Variants in IL1RAPL1 observed in about 807,000 individuals in gnomAD.
The protein encoded by IL1RAPL1 is interleukin 1 receptor accessory protein like 1.
IL1RAPL1 carries 3 observed loss-of-function variants against 48.4 expected under a neutral mutation model. The observed-to-expected ratio is 0.06, with a 90% confidence interval of 0.03 to 0.16. The LOEUF (loss-of-function observed/expected upper bound fraction) is 0.16, where lower values mean the gene tolerates loss of function less well. Ranked by LOEUF, IL1RAPL1 falls within the 10% of genes least tolerant of loss-of-function variation. The pLI is 1.00. For synonymous variants in IL1RAPL1, 185 were observed against 187.7 expected, an observed-to-expected ratio of 0.99 and a Z score of 0.12; for missense variants, 349 against 530.6, an observed-to-expected ratio of 0.66 and a Z score of 3.36.
chrX:29,670,493 C>T (rs1433732634), intron 6 of IL1RAPL1, among the ~76,000 whole-genome samples: 1 of 111,661 alleles, frequency 9.0e-6, no homozygotes, highest in Non-Finnish European at 1.9e-5. Flanking sequence ...TCATAGTGTA[C>T]AGATAAGTCG....
rs767866840 is a variant in IL1RAPL1 at position 29,875,120 on chromosome X, T to C, written c.779-42344T>C. 2.0e-3 allele frequency among the ~76,000 whole-genome samples: 229 copies of C among 112,115 alleles called. 1 individual carries two copies. Among genetic ancestry groups the C allele is most frequent in the Non-Finnish European group, 3.5e-3 (185 of 53,201 alleles). On this transcript the variant is annotated intron_variant, in intron 6 of 10. Transcript: ENST00000378993. ...TTATCTTTGATCAAATTATTGTTTATATGATGTAAATGCCTTGGACACTAC... is the reference window on the plus strand; with the variant it reads ...TTATCTTTGATCAAATTATTGTTTACATGATGTAAATGCCTTGGACACTAC...
At chrX:28,784,083 G>A (rs1936450265) in intron 1 of IL1RAPL1, among the ~76,000 whole-genome samples, 1 of 111,847 alleles carries the variant, frequency 8.9e-6, no homozygotes, top group Admixed American at 9.5e-5. Flanking sequence ...AGTAGCCAAA[G>A]CTTATGATTT....
intron 2 of IL1RAPL1, among the ~76,000 whole-genome samples, chrX:28,969,679 C>T (rs1044635524): frequency 1.8e-5 from 2 of 108,752 alleles, no homozygotes; most frequent in East Asian, 2.9e-4. Flanking sequence ...TAATGTCCAC[C>T]GTTTTTCTCC....
chrX:29,044,889 C>G (rs1409525431), intron 2 of IL1RAPL1, among the ~76,000 whole-genome samples: 7 of 109,657 alleles, frequency 6.4e-5, no homozygotes, highest in African/African-American at 2.4e-4. Flanking sequence ...TATTATTTTT[C>G]TCATGAATGA....
intron 2 of IL1RAPL1, among the ~76,000 whole-genome samples, chrX:29,148,294 A>T (rs1929390120): frequency 9.0e-6 from 1 of 111,653 alleles, no homozygotes; most frequent in Admixed American, 9.5e-5. Flanking sequence ...TGAGTTTATA[A>T]ATCACTGATT....
intron 6 of IL1RAPL1, among the ~76,000 whole-genome samples, chrX:29,781,790 C>A (rs1336092144): frequency 9.0e-6 from 1 of 111,498 alleles, no homozygotes; most frequent in Admixed American, 9.5e-5. Flanking sequence ...CATTTGGAGA[C>A]CTCCCATAAG....
chrX:29,847,931 G>A (rs1404966956), intron 6 of IL1RAPL1, among the ~76,000 whole-genome samples: 4 of 110,830 alleles, frequency 3.6e-5, no homozygotes, highest in Non-Finnish European at 7.6e-5. Flanking sequence ...TTTTATTCTG[G>A]AAATATGATC....
chrX:28,886,521 T>TAA lies in IL1RAPL1; in HGVS notation c.82+97105_82+97106dup, dbSNP rs63309363. On this transcript the variant is annotated intron_variant, in intron 2 of 10. Transcript: ENST00000378993. Reference sequence around the variant, plus strand: ...TAAAATAATTGGAGCATTGTTGTTTTAAAAAAAAAAGCTTCTCTTGGAAAA... The same window carrying TAA: ...TAAAATAATTGGAGCATTGTTGTTTTAAAAAAAAAAAAGCTTCTCTTGGAAAA... Among the ~76,000 whole-genome samples, 12 of 104,149 alleles carry TAA rather than the reference T, an allele frequency of 1.2e-4. No homozygotes were observed. In the South Asian group the frequency reaches 1.7e-3, roughly 15 times the overall value. The allele number at this position is 104,149 out of a possible 115,157, so 90.4% of individuals were successfully genotyped here. A position where few individuals can be genotyped will look rare whatever the true frequency, so the allele number is the denominator to read the frequency against.
chrX:28,780,221 G>A (rs1473187043), intron 1 of IL1RAPL1, among the ~76,000 whole-genome samples: 1 of 110,369 alleles, frequency 9.1e-6, no homozygotes, highest in Non-Finnish European at 1.9e-5. Context: ...AATCTCTCTT[G>A]CTTGTTTCAG....
intron 1 of IL1RAPL1, among the ~76,000 whole-genome samples, chrX:28,763,463 A>G (rs1331287993): frequency 3.6e-5 from 4 of 112,183 alleles, no homozygotes; most frequent in African/African-American, 1.3e-4. Context: ...CCATGTAGCT[A>G]TGAATACATA....
At chrX:29,764,599 G>C (rs150490899) in intron 6 of IL1RAPL1, among the ~76,000 whole-genome samples, 6 of 111,926 alleles carry the variant, frequency 5.4e-5, no homozygotes, top group Non-Finnish European at 7.5e-5. Flanking sequence ...TACAGCTGGA[G>C]GACATAAAAA....
chrX:28,680,779 T>C (rs780260801), intron 1 of IL1RAPL1, among the ~76,000 whole-genome samples: 1 of 112,093 alleles, frequency 8.9e-6, no homozygotes, highest in South Asian at 3.7e-4. Context: ...ATATGTTGAA[T>C]CATCCTTGAA....
At chrX:29,942,453 A>G (rs1294066037) in intron 9 of IL1RAPL1, among the ~76,000 whole-genome samples, 1 of 111,751 alleles carries the variant, frequency 8.9e-6, no homozygotes, top group Non-Finnish European at 1.9e-5. Flanking sequence ...ATATGTGTAC[A>G]ATCTAAGAGG....
intron 2 of IL1RAPL1, among the ~76,000 whole-genome samples, chrX:28,838,779 A>G (rs1921290869): frequency 9.0e-6 from 1 of 111,076 alleles, no homozygotes; most frequent in African/African-American, 3.3e-5. Flanking sequence ...ATTTAATAAT[A>G]TATGTATAAG....
At chrX:29,950,190 T>C (rs1458837639) in intron 9 of IL1RAPL1, among the ~76,000 whole-genome samples, 2 of 112,309 alleles carry the variant, frequency 1.8e-5, no homozygotes, top group South Asian at 3.7e-4. Context: ...CATAAGGAGA[T>C]AGAAAACTAA....
intron 2 of IL1RAPL1, among the ~76,000 whole-genome samples, chrX:29,166,542 G>A (rs1929789314): frequency 9.0e-6 from 1 of 111,326 alleles, no homozygotes; most frequent in African/African-American, 3.3e-5. Context: ...CTCTTGCCTG[G>A]TTTGTTTACT....
chrX:28,599,788 T>A (rs551299307), intron 1 of IL1RAPL1, among the ~76,000 whole-genome samples: 2 of 111,847 alleles, frequency 1.8e-5, no homozygotes, highest in African/African-American at 6.5e-5. Flanking sequence ...GACTCCGAGA[T>A]GAAGAATTGC....
At chrX:29,406,127 C>T (rs752552936) in intron 5 of IL1RAPL1, among the ~76,000 whole-genome samples, 5 of 111,808 alleles carry the variant, frequency 4.5e-5, no homozygotes, top group Admixed American at 9.5e-5. Context: ...CAGTGGCTCA[C>T]GCCTATAATC....
At chrX:29,583,492 C>G (rs1343033766) in intron 5 of IL1RAPL1, among the ~76,000 whole-genome samples, 7 of 30,486 alleles carry the variant, frequency 2.3e-4, no homozygotes, top group African/African-American at 7.1e-4. Flanking sequence ...AATAAAATAC[C>G]TAGGAATCCA....
Sources: gnomAD v4.1 joint callset for allele counts (sites outside exome capture counted in the v4.1 genomes callset) on GRCh38, gnomAD v4.1.1 for gene constraint, MANE v1.5 for transcripts, NCBI Gene and HGNC (gene_info 2026-07-23, HGNC 2026-07-21) for gene names.